SDHB: variants seen among roughly 807,000 people sequenced by gnomAD.
SDHB encodes succinate dehydrogenase [ubiquinone] iron-sulfur subunit, mitochondrial.
In SDHB, 21 loss-of-function variants were observed where a neutral mutation model predicts 39.7. The ratio of observed to expected loss-of-function variants is 0.53; its 90% CI spans 0.37 to 0.76. The LOEUF (loss-of-function observed/expected upper bound fraction) is 0.76, where lower values mean the gene tolerates loss of function less well. Among genes scored for constraint, SDHB ranks in the 30% least tolerant of loss-of-function variants. The pLI, the probability that SDHB is intolerant of heterozygous loss-of-function variation, is 0.00. For synonymous variants in SDHB, 118 were observed against 117.0 expected (o/e 1.01, Z -0.06); for missense variants, 343 against 350.9 (o/e 0.98, Z 0.18).
At chr1:17,032,947 TC>T in intron 3 of SDHB, 112 bp downstream of exon 3, 1 of 803,336 alleles carries the variant, frequency 1.2e-6, no homozygotes, top group Middle Eastern at 2.2e-4. Context: ...CACAGCAAGT[TC>T]ACCCAGCAGA....
chr1:17,049,365 T>C (rs942285801), intron 1 of SDHB, among the ~76,000 whole-genome samples: 4 of 152,096 alleles, frequency 2.6e-5, no homozygotes, highest in Non-Finnish European at 4.4e-5. Context: ...TGGCGCGATC[T>C]TGGATCGCTG....
intron 3 of SDHB, chr1:17,032,608 G>A (rs1228869814): frequency 4.3e-6 from 1 of 232,940 alleles, no homozygotes; most frequent in African/African-American, 2.3e-5. Flanking sequence ...CACATGCTGA[G>A]GGAGACACTG....
Position 17,027,832 on chromosome 1 carries a change from T to G in SDHB, c.457A>C (p.Ile153Leu). The change falls in exon 5 of 8, where the codon ATT becomes CTT. Residue 153 changes from isoleucine to leucine, a missense_variant. Transcript: ENST00000375499. ...TCCTTCTTCTTCAAATAAGGCTCAATGGATTTGTACTGTGCATAGAAGTTG... is the reference window on the plus strand; with the variant it reads ...TCCTTCTTCTTCAAATAAGGCTCAAGGGATTTGTACTGTGCATAGAAGTTG... The part of the protein sequence containing the change: ...LSNFYAQYKS[I>L]EPYLKKKDES... 6.2e-7 allele frequency: 1 copy of G among 1,612,824 alleles called. No homozygotes were observed. Among genetic ancestry groups the G allele is most frequent in the Non-Finnish European group, 8.5e-7 (1 of 1,178,874 alleles).
chr1:17,039,299 T>G (rs1444001563), intron 2 of SDHB, among the ~76,000 whole-genome samples: 1 of 151,770 alleles, frequency 6.6e-6, no homozygotes, highest in South Asian at 2.1e-4. Flanking sequence ...AAATAATTAC[T>G]CTTGGCTGGG....
chr1:17,051,008 G>A (rs959398919), intron 1 of SDHB, among the ~76,000 whole-genome samples: 1 of 152,178 alleles, frequency 6.6e-6, no homozygotes, highest in African/African-American at 2.4e-5. Context: ...TAGCAACACA[G>A]GTCACTTGAT....
intron 3 of SDHB, among the ~76,000 whole-genome samples, chr1:17,030,688 T>G (rs2078017614): frequency 7.1e-6 from 1 of 140,490 alleles, no homozygotes; most frequent in African/African-American, 2.6e-5. Context: ...GGTTATCATC[T>G]TTTTTTTTTT....
intron 2 of SDHB, among the ~76,000 whole-genome samples, chr1:17,034,863 A>T (rs2078042808): frequency 6.6e-6 from 1 of 152,040 alleles, no homozygotes; most frequent in African/African-American, 2.4e-5. Flanking sequence ...AAATTTACTA[A>T]TTTTTCTTTA....
At chr1:17,043,253 G>A (rs775699947) in intron 2 of SDHB, among the ~76,000 whole-genome samples, 11 of 151,994 alleles carry the variant, frequency 7.2e-5, no homozygotes, top group African/African-American at 2.2e-4. Context: ...GAGCCACCGC[G>A]CCCGGCCTGT....
chr1:17,053,449 C>T (rs1366438085), intron 1 of SDHB, among the ~76,000 whole-genome samples: 1 of 152,134 alleles, frequency 6.6e-6, no homozygotes, highest in Non-Finnish European at 1.5e-5. Flanking sequence ...TCTCTCCCTT[C>T]CCCTGCCCTG....
chr1:17,020,125 G>C lies in SDHB; in HGVS notation c.766-1167C>G, dbSNP rs114269270. On this transcript the variant is annotated intron_variant, in intron 7 of 7. Coordinates refer to ENST00000375499, the MANE Select transcript of SDHB (RefSeq NM_003000.3). Reference sequence around the variant, plus strand: ...AATCTGACTTCTAGGGAGGTGGCTGGGTGGAGTGGGAGGGAGAATTTTCAC... The same window carrying C: ...AATCTGACTTCTAGGGAGGTGGCTGCGTGGAGTGGGAGGGAGAATTTTCAC... Among the ~76,000 whole-genome samples the C allele has an allele frequency of 3.3e-3, 503 of 152,328 alleles. 2 individuals are homozygous for C. Among genetic ancestry groups the C allele is most frequent in the Non-Finnish European group, 5.8e-3 (396 of 68,028 alleles).
At chr1:17,049,638 C>G (rs1303622019) in intron 1 of SDHB, among the ~76,000 whole-genome samples, 9 of 119,834 alleles carry the variant, frequency 7.5e-5, no homozygotes, top group African/African-American at 2.3e-4. Flanking sequence ...GGAGCATAAT[C>G]CCCTAGTTCT....
rs140120552 is a variant in SDHB, at chr1:17,041,708, A to T, written c.200+3053T>A. 3.7e-3 allele frequency among the ~76,000 whole-genome samples: 565 copies of T among 152,298 alleles called. 6 individuals carry two copies. Among genetic ancestry groups the T allele is most frequent in the African/African-American group, 0.013 (540 of 41,584 alleles). ...AAAAAAAGAAAAATTAATATGCTGT[A>T]GAGAATCTGGATTGCATTATGTTTT... On this transcript the variant is annotated intron_variant, in intron 2 of 7. Coordinates refer to ENST00000375499, the MANE Select transcript of SDHB (RefSeq NM_003000.3).
intron 7 of SDHB, among the ~76,000 whole-genome samples, chr1:17,021,911 G>C (rs748132672): frequency 1.3e-5 from 2 of 152,250 alleles, no homozygotes; most frequent in African/African-American, 4.8e-5. Flanking sequence ...GAAATTCTGT[G>C]ATAGTACCAC....
At position 17,047,531 on chromosome 1, in the gene SDHB, G is replaced by C. The variant is rs548068661; in HGVS notation, c.73-2643C>G. On this transcript the variant is annotated intron_variant, in intron 1 of 7. Coordinates refer to ENST00000375499, the MANE Select transcript of SDHB (RefSeq NM_003000.3). ...GTCCCTACTAAAAATACAAAAAAACGAATTAGCAGGGTGTGGTGGCGTGTG... is the reference window on the plus strand; with the variant it reads ...GTCCCTACTAAAAATACAAAAAAACCAATTAGCAGGGTGTGGTGGCGTGTG... Among the ~76,000 whole-genome samples the C allele has an allele frequency of 8.5e-4, 128 of 150,334 alleles. 1 individual carries two copies. The highest frequency in any genetic ancestry group is 3.1e-3 in the African/African-American group (125 of 40,828).
At chr1:17,042,937 G>A (rs2078088751) in intron 2 of SDHB, among the ~76,000 whole-genome samples, 1 of 130,756 alleles carries the variant, frequency 7.6e-6, no homozygotes, top group Non-Finnish European at 1.7e-5. Flanking sequence ...TAAGCAGTAG[G>A]GTTTTTTGTT....
At chr1:17,042,954 GTTTTTTTTTTTTT>G (rs143394198) in intron 2 of SDHB, among the ~76,000 whole-genome samples, 1 of 62,872 alleles carries the variant, frequency 1.6e-5, no homozygotes, top group South Asian at 7.6e-4. Flanking sequence ...TGTTTTATGA[GTTTTTTTTTTTTT>G]TTTTTTTTTT....
chr1:17,037,780 T>G (rs950300455), intron 2 of SDHB, among the ~76,000 whole-genome samples: 6 of 152,026 alleles, frequency 3.9e-5, no homozygotes, highest in Non-Finnish European at 5.9e-5. Context: ...GTTTGCTTTT[T>G]TGTAGAGATG....
At chr1:17,033,698 A>T (rs2078034882) in intron 2 of SDHB, among the ~76,000 whole-genome samples, 1 of 152,244 alleles carries the variant, frequency 6.6e-6, no homozygotes, top group Non-Finnish European at 1.5e-5. Flanking sequence ...GGCAGCCAAG[A>T]GACTGGTCTG....
intron 2 of SDHB, among the ~76,000 whole-genome samples, chr1:17,037,067 A>C (rs1309559247): frequency 2.0e-5 from 3 of 152,160 alleles, no homozygotes; most frequent in African/African-American, 7.2e-5. Context: ...GTGTGTATAC[A>C]TAGCTACAAA....
Sources: gnomAD v4.1 joint callset for allele counts (sites outside exome capture counted in the v4.1 genomes callset) on GRCh38, gnomAD v4.1.1 for gene constraint, MANE v1.5 for transcripts, NCBI Gene and HGNC (gene_info 2026-07-23, HGNC 2026-07-21) for gene names.